The following BRCA1 variants were observed in gnomAD, a reference collection of about 807,000 sequenced individuals.
The protein encoded by BRCA1 is BRCA1 DNA repair associated.
Under a neutral mutation model 173.7 loss-of-function variants are expected in BRCA1, and 140 were observed. The observed-to-expected ratio is 0.81, with a 90% CI of 0.70 to 0.93. The LOEUF (loss-of-function observed/expected upper bound fraction) is 0.93. Among genes scored for constraint, BRCA1 ranks in the 40% least tolerant of loss-of-function variants. The pLI is 0.00. For missense variants in BRCA1, 1,983 were observed against 2,172.5 expected, an observed-to-expected ratio of 0.91 and a Z score of 1.73; for synonymous variants, 662 against 756.0, an observed-to-expected ratio of 0.88 and a Z score of 2.04.
At chr17:43,147,058 G>A (rs1334413647) in intron 1 of BRCA1, among the ~76,000 whole-genome samples, 1 of 152,058 alleles carries the variant, frequency 6.6e-6, no homozygotes, top group African/African-American at 2.4e-5. Context: ...AGGCTAGAGT[G>A]CAATGGCGTG....
chr17:43,154,243 C>T (rs12942870), intron 1 of BRCA1, among the ~76,000 whole-genome samples: 10,700 of 151,628 alleles, frequency 0.071, 452 homozygotes, highest in South Asian at 0.12. Context: ...CCCAGCACTT[C>T]GGGAGGCCAA....
chr17:43,057,566 T>G (rs2051556753), intron 18 of BRCA1, among the ~76,000 whole-genome samples: 1 of 150,538 alleles, frequency 6.6e-6, no homozygotes, highest in South Asian at 2.1e-4. Context: ...CCGGGTGTGG[T>G]GGCTCACGCC....
rs398122698 is a variant in BRCA1, at chr17:43,047,652, C to T, written c.5458G>A (p.Gly1820Ser). ...VQPDAWTEDN[G>S]FHAIGQMCEA... Reference sequence around the variant, plus strand: ...CATGCAGGCACCTTACCATGGAAGCCATTGTCCTCTGTCCAGGCATCTGGC... The same window carrying T: ...CATGCAGGCACCTTACCATGGAAGCTATTGTCCTCTGTCCAGGCATCTGGC... The change falls in exon 22 of 23, where the codon GGC becomes AGC. Residue 1820 changes from glycine to serine, a missense_variant. Coordinates refer to ENST00000357654, the MANE Select transcript of BRCA1 (RefSeq NM_007294.4). The T allele has an allele frequency of 6.2e-7, 1 of 1,614,198 alleles. No homozygotes were observed. Among genetic ancestry groups the T allele is most frequent in the Non-Finnish European group, 8.5e-7 (1 of 1,180,040 alleles).
intron 14 of BRCA1, 79 bp from the exon 15 acceptor site, chr17:43,071,317 A>G (rs2052435456): frequency 6.7e-7 from 1 of 1,499,944 alleles, no homozygotes; most frequent in East Asian, 2.3e-5. Context: ...TAAGAATTAA[A>G]AAGACCAATA....
rs1555589357 is a variant in BRCA1, at chr17:43,092,957, C to T, written c.2574G>A (p.Gln858=). ...EESELDAQYL[Q]NTFKVSKRQS... ...GGCGCTTTGAAACCTTGAATGTATT[C>T]TGCAAATACTGAGCATCAAGTTCAC... The change falls in exon 10 of 23, where the codon CAG becomes CAA. Residue 858 remains glutamine, a synonymous_variant. Transcript: ENST00000357654. 1.9e-6 allele frequency: 3 copies of T among 1,613,664 alleles called. No homozygotes were observed. The highest frequency in any genetic ancestry group is 2.5e-6 in the Non-Finnish European group (3 of 1,179,818).
At chr17:43,126,101 G>C (rs2055864922), upstream of BRCA1, among the ~76,000 whole-genome samples, 1 of 152,238 alleles carries the variant, frequency 6.6e-6, no homozygotes, top group Non-Finnish European at 1.5e-5. Context: ...AAGTAGTCTT[G>C]TAAGGTCAGT....
At chr17:43,135,251 G>C (rs1245308111) in intron 1 of BRCA1, among the ~76,000 whole-genome samples, 1 of 152,214 alleles carries the variant, frequency 6.6e-6, no homozygotes, top group Admixed American at 6.5e-5. Flanking sequence ...AAGGATCGGA[G>C]CCCCCTGGCC....
chr17:43,125,961 T>C (rs2055860989), upstream of BRCA1, among the ~76,000 whole-genome samples: 1 of 151,570 alleles, frequency 6.6e-6, no homozygotes, highest in Non-Finnish European at 1.5e-5. Context: ...TGTGCGCGCT[T>C]GTACTTGTCA....
intron 12 of BRCA1, chr17:43,079,280 C>T: frequency 7.2e-7 from 1 of 1,392,884 alleles, no homozygotes; most frequent in Non-Finnish European, 1.0e-6. Flanking sequence ...CCAGAACCAC[C>T]ATCTTTCAGT....
intron 1 of BRCA1, chr17:43,131,389 TA>T (rs1402062075): frequency 2.9e-6 from 1 of 348,370 alleles, no homozygotes; most frequent in Non-Finnish European, 6.3e-6. Flanking sequence ...AAAATAATAA[TA>T]ATAATAATAA....
intron 1 of BRCA1, chr17:43,142,398 T>C (rs1027874899): frequency 4.6e-5 from 7 of 152,328 alleles, no homozygotes; most frequent in African/African-American, 1.4e-4. Flanking sequence ...TATGTTATTG[T>C]TATTGACTCT....
chr17:43,095,693 C>T (rs1244512509), intron 9 of BRCA1, among the ~76,000 whole-genome samples, 153 bp downstream of exon 9: 2 of 152,018 alleles, frequency 1.3e-5, no homozygotes, highest in African/African-American at 2.4e-5. Context: ...TCAGACCATA[C>T]CACGACATTT....
rs273901741 is a variant in BRCA1 at position 43,071,184 on chromosome 17, G to T, written c.4730C>A (p.Ser1577Tyr). The T allele has an allele frequency of 4.3e-6, 7 of 1,614,096 alleles. 1 individual carries two copies. Among genetic ancestry groups the T allele is most frequent in the South Asian group, 2.2e-5 (2 of 91,088 alleles). ...GISLFSDDPE[S>Y]DPSEDRAPES... ...TGGGGCTCTGTCTTCAGAAGGATCA[G>T]ATTCAGGGTCATCAGAGAAGAGGCT... Residue 1577 changes from serine to tyrosine, a missense_variant, in exon 15 of 23, where the codon TCT (serine) becomes TAT (tyrosine). Coordinates refer to ENST00000357654, the MANE Select transcript of BRCA1 (RefSeq NM_007294.4).
At position 43,091,552 on chromosome 17, in the gene BRCA1, G is replaced by A. The variant is rs876659720; in HGVS notation, c.3979C>T (p.Gln1327Ter). Residue 1327 changes from glutamine (Q) to a stop codon, truncating the protein, a stop_gained, in exon 10 of 23, where the codon CAG (glutamine) becomes TAG (stop). Transcript: ENST00000357654. LOFTEE classifies it high-confidence loss of function. ...LIGSSKQMRHQSESQGVGLSD... is the reference protein window; with the variant it reads ...LIGSSKQMRH ...AGACCAACTCCCTGGCTTTCAGACT[G>A]ATGCCTCATTTGTTTGGAAGAACCA... The A allele has an allele frequency of 6.2e-7, 1 of 1,614,160 alleles. No individual in the cohort carries two copies. The highest frequency in any genetic ancestry group is 8.5e-7 in the Non-Finnish European group (1 of 1,180,028).
Position 43,094,085 on chromosome 17 carries a change from A to T in BRCA1, c.1446T>A (p.Ile482=), listed in dbSNP as rs1597875988. The part of the protein sequence containing the change: ...PNLSHVTENL[I]IGAFVTEPQI... ...GTGGCTCAGTAACAAATGCTCCTAT[A>T]ATTAGATTTTCAGTTACATGGCTTA... The change falls in exon 10 of 23, where the codon ATT becomes ATA. Residue 482 remains isoleucine, a synonymous_variant. Coordinates refer to ENST00000357654, the MANE Select transcript of BRCA1 (RefSeq NM_007294.4). 6.2e-7 allele frequency: 1 copy of T among 1,613,994 alleles called. No individual in the cohort carries two copies. Among genetic ancestry groups the T allele is most frequent in the Non-Finnish European group, 8.5e-7 (1 of 1,179,978 alleles).
chr17:43,135,170 G>A (rs1441958485), intron 1 of BRCA1, among the ~76,000 whole-genome samples: 2 of 152,228 alleles, frequency 1.3e-5, no homozygotes, highest in South Asian at 2.1e-4. Flanking sequence ...GCGGTTCTGC[G>A]GACCCCGTGC....
upstream of BRCA1, among the ~76,000 whole-genome samples, chr17:43,127,770 A>G (rs1359131526): frequency 6.6e-6 from 1 of 152,072 alleles, no homozygotes; most frequent in Non-Finnish European, 1.5e-5. Flanking sequence ...CACACCTGTA[A>G]TCCCAGCAAT....
intron 7 of BRCA1, among the ~76,000 whole-genome samples, chr17:43,098,485 A>G (rs1289795343): frequency 1.3e-5 from 2 of 151,398 alleles, no homozygotes; most frequent in Non-Finnish European, 2.9e-5. Flanking sequence ...CAGCCTCCCA[A>G]GTAGCTGGGA....
At chr17:43,099,103 G>C (rs537603936) in intron 7 of BRCA1, among the ~76,000 whole-genome samples, 1 of 151,296 alleles carries the variant, frequency 6.6e-6, no homozygotes, top group Non-Finnish European at 1.5e-5. Flanking sequence ...GATTACAGGC[G>C]TGAGCCACTG....
Sources: gnomAD v4.1 joint callset for allele counts (sites outside exome capture counted in the v4.1 genomes callset) on GRCh38, gnomAD v4.1.1 for gene constraint, MANE v1.5 for transcripts, NCBI Gene and HGNC (gene_info 2026-07-23, HGNC 2026-07-21) for gene names.